The following CAMKMT variants were observed in gnomAD, a reference collection of about 807,000 sequenced individuals.
The protein encoded by CAMKMT is calmodulin-lysine N-methyltransferase.
CAMKMT carries 53 observed loss-of-function variants against 48.0 expected under a neutral mutation model. The ratio of observed to expected loss-of-function variants is 1.10; its 90% CI spans 0.89 to 1.39. The LOEUF is 1.39. CAMKMT is among the 40% of genes most tolerant of loss of function. The pLI, the probability that CAMKMT is intolerant of heterozygous loss-of-function variation, is 0.00. For missense variants in CAMKMT, 428 were observed against 402.7 expected (o/e 1.06, Z -0.54); for synonymous variants, 165 against 152.3 (o/e 1.08, Z -0.61).
At chr2:44,579,477 G>A (rs4953110) in intron 3 of CAMKMT, among the ~76,000 whole-genome samples, 94,151 of 151,522 alleles carry the variant, frequency 0.62, 29,732 homozygotes, top group Admixed American at 0.69. Flanking sequence ...GCATTTTAAT[G>A]TACATCACAT....
At chr2:44,615,167 C>A (rs57320336) in intron 3 of CAMKMT, among the ~76,000 whole-genome samples, 18,356 of 151,726 alleles carry the variant, frequency 0.12, 1,293 homozygotes, top group Admixed American at 0.22. Context: ...CTCAAGTGAT[C>A]CCCCGACCTC....
intron 3 of CAMKMT, among the ~76,000 whole-genome samples, chr2:44,575,563 A>T (rs1172915311): frequency 6.6e-6 from 1 of 152,130 alleles, no homozygotes; most frequent in Non-Finnish European, 1.5e-5. Flanking sequence ...TCAATCATTC[A>T]TTTATTTTCC....
intron 2 of CAMKMT, 93 bp downstream of exon 2, chr2:44,372,981 G>T: frequency 8.6e-7 from 1 of 1,167,962 alleles, no homozygotes; most frequent in Non-Finnish European, 1.2e-6. Context: ...TTATTCTATT[G>T]AGTTTACGGG....
At chr2:44,519,446 G>A (rs1000036992) in intron 3 of CAMKMT, among the ~76,000 whole-genome samples, 1 of 152,082 alleles carries the variant, frequency 6.6e-6, no homozygotes, top group African/African-American at 2.4e-5. Flanking sequence ...TTTCCTGTCT[G>A]AACTGAAAGG....
At chr2:44,492,252 G>A (rs772484045) in intron 3 of CAMKMT, among the ~76,000 whole-genome samples, 3 of 152,078 alleles carry the variant, frequency 2.0e-5, no homozygotes, top group Non-Finnish European at 2.9e-5. Context: ...AATGTTAGGA[G>A]AAGCAGATCA....
At chr2:44,720,262 C>T (rs1390239087) in intron 7 of CAMKMT, among the ~76,000 whole-genome samples, 1 of 152,028 alleles carries the variant, frequency 6.6e-6, no homozygotes, top group Non-Finnish European at 1.5e-5. Flanking sequence ...AAAATTAAGG[C>T]CTTTTATTTT....
At chr2:44,695,636 G>A (rs771036552) in intron 3 of CAMKMT, among the ~76,000 whole-genome samples, 5 of 152,144 alleles carry the variant, frequency 3.3e-5, no homozygotes, top group Non-Finnish European at 7.3e-5. Flanking sequence ...TCTACATAGG[G>A]ATGTTTTTTA....
At chr2:44,572,582 C>T (rs1668972476) in intron 3 of CAMKMT, among the ~76,000 whole-genome samples, 1 of 152,164 alleles carries the variant, frequency 6.6e-6, no homozygotes, top group African/African-American at 2.4e-5. Flanking sequence ...ACGAGTAATG[C>T]TGCTGTGGAC....
chr2:44,691,732 C>G (rs1157909964), intron 3 of CAMKMT, among the ~76,000 whole-genome samples: 1 of 152,124 alleles, frequency 6.6e-6, no homozygotes, highest in East Asian at 1.9e-4. Flanking sequence ...GGCTCAAATT[C>G]CAGCTCTGTG....
chr2:44,645,208 G>T (rs1251153913), intron 3 of CAMKMT, among the ~76,000 whole-genome samples: 2 of 152,206 alleles, frequency 1.3e-5, no homozygotes, highest in African/African-American at 4.8e-5. Flanking sequence ...AAGGAAACAA[G>T]AATAATGTAA....
intron 3 of CAMKMT, among the ~76,000 whole-genome samples, chr2:44,572,225 T>G (rs949878335): frequency 2.0e-5 from 3 of 152,178 alleles, no homozygotes; most frequent in Non-Finnish European, 4.4e-5. Context: ...ATTTAATTCT[T>G]TTGTAGAGAC....
At chr2:44,660,964 A>T (rs947250059) in intron 3 of CAMKMT, among the ~76,000 whole-genome samples, 1 of 151,908 alleles carries the variant, frequency 6.6e-6, no homozygotes, top group Non-Finnish European at 1.5e-5. Flanking sequence ...GTTTTTTTTT[A>T]AATATATGTA....
Position 44,396,885 on chromosome 2 carries a change from C to G in CAMKMT, c.376+6580C>G, listed in dbSNP as rs568336415. Among the ~76,000 whole-genome samples the G allele has an allele frequency of 3.3e-5, 5 of 151,660 alleles. No individual in the cohort carries two copies. In the East Asian group the frequency reaches 7.8e-4, roughly 24 times the overall value. On this transcript the variant is annotated intron_variant, in intron 3 of 10. Coordinates refer to ENST00000378494, the MANE Select transcript of CAMKMT (RefSeq NM_024766.5). ...ACCATCCTGGCCAACATGGTGAAAC[C>G]CTGTCTCTACTAAAAATACAAAAAT...
intron 3 of CAMKMT, among the ~76,000 whole-genome samples, chr2:44,454,407 C>G (rs550338711): frequency 1.4e-4 from 22 of 152,046 alleles, no homozygotes; most frequent in African/African-American, 5.1e-4. Context: ...TGTTTCTGAC[C>G]CTACCAGTAA....
intron 3 of CAMKMT, among the ~76,000 whole-genome samples, chr2:44,432,310 G>A (rs1402140382): frequency 6.6e-6 from 1 of 152,050 alleles, no homozygotes; most frequent in Non-Finnish European, 1.5e-5. Context: ...CCCATCCCCT[G>A]ACTCTCCTGT....
intron 3 of CAMKMT, among the ~76,000 whole-genome samples, chr2:44,682,824 A>C (rs1305265358): frequency 6.6e-6 from 1 of 152,206 alleles, no homozygotes; most frequent in Non-Finnish European, 1.5e-5. Flanking sequence ...CTCCCTCCCT[A>C]GACACAACAA....
chr2:44,672,244 G>A (rs1255030562), intron 3 of CAMKMT, among the ~76,000 whole-genome samples: 1 of 152,166 alleles, frequency 6.6e-6, no homozygotes, highest in Non-Finnish European at 1.5e-5. Context: ...AAGGAGGTCT[G>A]GTGAATGGCA....
At chr2:44,471,191 A>G (rs910408097) in intron 3 of CAMKMT, among the ~76,000 whole-genome samples, 1 of 151,868 alleles carries the variant, frequency 6.6e-6, no homozygotes, top group African/African-American at 2.4e-5. Flanking sequence ...GGGTTTCACC[A>G]TGTTGGCCAG....
At position 44,455,292 on chromosome 2, in the gene CAMKMT, GAAGTCAC is replaced by G. The variant is rs1293944515; in HGVS notation, c.376+64988_376+64994del. Reference sequence around the variant, plus strand: ...ATCTCTGAAGATGGGCAGGATGAAAGAAGTCACCAGCGATTCCAGTGGATGCTTTCTG... The same window carrying G: ...ATCTCTGAAGATGGGCAGGATGAAAGCAGCGATTCCAGTGGATGCTTTCTG... On this transcript the variant is annotated intron_variant, in intron 3 of 10. Coordinates refer to ENST00000378494, the MANE Select transcript of CAMKMT (RefSeq NM_024766.5). Among the ~76,000 whole-genome samples the G allele has an allele frequency of 2.6e-5, 4 of 151,900 alleles. No homozygotes were observed. The East Asian group carries it at 7.7e-4, about 29-fold the overall frequency.
Sources: allele counts gnomAD v4.1 joint callset (sites outside exome capture counted in the v4.1 genomes callset), GRCh38; gene constraint gnomAD v4.1.1; transcripts MANE v1.5; gene names NCBI Gene and HGNC (gene_info 2026-07-23, HGNC 2026-07-21).